Variants in STPG2 observed in about 807,000 individuals in gnomAD.
The protein encoded by STPG2 is sperm tail PG-rich repeat containing 2, also known as sperm-tail PG-rich repeat-containing protein 2.
Under a neutral mutation model 54.2 loss-of-function variants are expected in STPG2, and 56 were observed. That is an observed-to-expected ratio of 1.03 (90% CI 0.83 to 1.29). The LOEUF is 1.29. STPG2 is among the 50% of genes most tolerant of loss of function. STPG2 has a pLI of 0.00. For missense variants in STPG2, 596 were observed against 544.9 expected, an observed-to-expected ratio of 1.09 and a Z score of -0.93; for synonymous variants, 200 against 181.8, an observed-to-expected ratio of 1.10 and a Z score of -0.81.
chr4:97,716,435 C>T (rs1724290293), intron 9 of STPG2, among the ~76,000 whole-genome samples: 1 of 152,092 alleles, frequency 6.6e-6, no homozygotes, highest in South Asian at 2.1e-4. Context: ...ATAGCAAAGA[C>T]TTGGAACCAA....
intron 3 of STPG2, among the ~76,000 whole-genome samples, chr4:98,115,873 G>A (rs1013821573): frequency 1.3e-5 from 2 of 151,906 alleles, no homozygotes; most frequent in African/African-American, 4.8e-5. Flanking sequence ...AATACAAGAT[G>A]AGGATTTCAA....
chr4:98,074,097 CTT>C (rs1326982783), intron 5 of STPG2, among the ~76,000 whole-genome samples: 1 of 152,152 alleles, frequency 6.6e-6, no homozygotes, highest in Non-Finnish European at 1.5e-5. Flanking sequence ...ACAAAAATAA[CTT>C]TCCTACTGAA....
intron 10 of STPG2, among the ~76,000 whole-genome samples, chr4:97,651,327 G>C (rs1412906692): frequency 6.6e-6 from 1 of 151,828 alleles, no homozygotes; most frequent in Non-Finnish European, 1.5e-5. Flanking sequence ...AGTTGAAAAA[G>C]ATTATGACAA....
At position 97,956,251 on chromosome 4, in the gene STPG2, T is replaced by C. The variant is rs142805043; in HGVS notation, c.934-12244A>G. On this transcript the variant is annotated intron_variant, in intron 7 of 10. Coordinates refer to ENST00000295268, the MANE Select transcript of STPG2 (RefSeq NM_174952.3). ...GATTGCAATACATGAATGCTTATTGTAATTTTCATGGCAAAAACTAAAAGA... is the reference window on the plus strand; with the variant it reads ...GATTGCAATACATGAATGCTTATTGCAATTTTCATGGCAAAAACTAAAAGA... 7.0e-3 allele frequency among the ~76,000 whole-genome samples: 1,063 copies of C among 152,284 alleles called. 10 individuals carry two copies. The highest frequency in any genetic ancestry group is 0.011 in the Non-Finnish European group (778 of 68,022).
At chr4:98,141,616 TTTA>T (rs1174088360) in intron 1 of STPG2, among the ~76,000 whole-genome samples, 1 of 152,200 alleles carries the variant, frequency 6.6e-6, no homozygotes, top group Non-Finnish European at 1.5e-5. Flanking sequence ...AGCCAATGTA[TTTA>T]TTAAGTGTAC....
intron 2 of STPG2, among the ~76,000 whole-genome samples, chr4:98,130,619 G>T (rs1189516629): frequency 1.3e-5 from 2 of 151,654 alleles, no homozygotes; most frequent in Non-Finnish European, 2.9e-5. Flanking sequence ...GAATTTGTGT[G>T]ATGTCAAAAC....
chr4:97,512,617 G>A (rs970284083), intron 4 of STPG2, among the ~76,000 whole-genome samples: 6 of 151,826 alleles, frequency 4.0e-5, no homozygotes, highest in Admixed American at 2.6e-4. Flanking sequence ...ATGAATGGAA[G>A]AGAAGGGAAA....
At chr4:97,504,637 A>G (rs1730807045) in intron 4 of STPG2, among the ~76,000 whole-genome samples, 1 of 151,930 alleles carries the variant, frequency 6.6e-6, no homozygotes, top group Non-Finnish European at 1.5e-5. Context: ...TGAATATTCT[A>G]TTTTCTCCAT....
chr4:97,594,769 C>A (rs78582212), intron 10 of STPG2, among the ~76,000 whole-genome samples: 1 of 152,074 alleles, frequency 6.6e-6, no homozygotes, highest in South Asian at 2.1e-4. Flanking sequence ...AAAGGGAACC[C>A]CATCAGGTTA....
chr4:97,513,433 G>T (rs1731013481), intron 4 of STPG2, among the ~76,000 whole-genome samples: 1 of 151,902 alleles, frequency 6.6e-6, no homozygotes, highest in African/African-American at 2.4e-5. Flanking sequence ...TTGGGAAATG[G>T]GACTGAAAGT....
At chr4:97,887,548 T>C (rs1730625509) in intron 8 of STPG2, among the ~76,000 whole-genome samples, 1 of 152,052 alleles carries the variant, frequency 6.6e-6, no homozygotes, top group African/African-American at 2.4e-5. Flanking sequence ...ATGTGGCCTG[T>C]CTGCTTCTAA....
intron 4 of STPG2, among the ~76,000 whole-genome samples, chr4:97,509,777 T>A (rs2148839546): frequency 6.6e-6 from 1 of 152,240 alleles, no homozygotes; most frequent in African/African-American, 2.4e-5. Context: ...AATAGTGGTT[T>A]GTGCTTCAGA....
chr4:97,610,045 A>ACCTC (rs1733694560), intron 10 of STPG2, among the ~76,000 whole-genome samples: 1 of 152,010 alleles, frequency 6.6e-6, no homozygotes, highest in Admixed American at 6.6e-5. Flanking sequence ...GAAAAAAGAT[A>ACCTC]ATTTTCCTGA....
intron 9 of STPG2, 128 bp downstream of exon 9, chr4:97,840,645 A>G: frequency 9.8e-7 from 1 of 1,017,384 alleles, no homozygotes; most frequent in Non-Finnish European, 1.4e-6. Context: ...GATGAGAAAA[A>G]TGGTTTTGTT....
intron 4 of STPG2, among the ~76,000 whole-genome samples, chr4:97,509,388 C>T (rs1730923971): frequency 1.3e-5 from 2 of 152,010 alleles, no homozygotes; most frequent in Admixed American, 6.6e-5. Flanking sequence ...AACTGACGTT[C>T]TAAATTTCAA....
At chr4:97,636,059 C>G (rs2148938997) in intron 10 of STPG2, among the ~76,000 whole-genome samples, 1 of 152,202 alleles carries the variant, frequency 6.6e-6, no homozygotes, top group South Asian at 2.1e-4. Context: ...CACCACATCA[C>G]ACCTATTCCA....
intron 4 of STPG2, among the ~76,000 whole-genome samples, chr4:97,501,224 C>T (rs1017109141): frequency 1.3e-5 from 2 of 151,846 alleles, no homozygotes; most frequent in Admixed American, 6.6e-5. Flanking sequence ...TAGAGAAAAT[C>T]GTCTTAAAAG....
chr4:97,971,432 G>GA (rs1227724287), intron 7 of STPG2, among the ~76,000 whole-genome samples: 1 of 152,102 alleles, frequency 6.6e-6, no homozygotes, highest in Non-Finnish European at 1.5e-5. Flanking sequence ...ACTAGTTTAA[G>GA]AAAATGTGGC....
Position 97,559,001 on chromosome 4 carries a change from A to C in STPG2, c.*57T>G. On this transcript the variant is annotated 3_prime_UTR_variant, in exon 11 of 11. Coordinates refer to ENST00000295268, the MANE Select transcript of STPG2 (RefSeq NM_174952.3). ...TTGGAATAAATTTTGTTAAAATGAC[A>C]AAGAAATAAACTGACTTCCATGAAG... The C allele has an allele frequency of 8.6e-6, 12 of 1,401,080 alleles. No homozygotes were observed. The highest frequency in any genetic ancestry group is 1.2e-5 in the Non-Finnish European group (12 of 1,010,138). 86.8% of individuals were successfully genotyped at this position (1,401,080 alleles called of 1,614,324 possible). A position where few individuals can be genotyped will look rare whatever the true frequency, so the allele number is the denominator to read the frequency against.
Sources: gnomAD v4.1 joint callset for allele counts (sites outside exome capture counted in the v4.1 genomes callset) on GRCh38, gnomAD v4.1.1 for gene constraint, MANE v1.5 for transcripts, NCBI Gene and HGNC (gene_info 2026-07-23, HGNC 2026-07-21) for gene names.